The following THEMIS variants were observed in gnomAD, a reference collection of about 807,000 sequenced individuals.
THEMIS encodes thymocyte selection associated, also known as protein THEMIS.
THEMIS carries 37 observed loss-of-function variants against 52.6 expected under a neutral mutation model. The ratio of observed to expected loss-of-function variants is 0.70; its 90% CI spans 0.54 to 0.93. The LOEUF (loss-of-function observed/expected upper bound fraction) is 0.93, where lower values mean the gene tolerates loss of function less well. Ranked by LOEUF, THEMIS falls within the 40% of genes least tolerant of loss-of-function variation. The probability of loss-of-function intolerance (pLI) is 0.00; values close to 1 mark genes in which losing one functional copy is unlikely to be tolerated. For synonymous variants in THEMIS, 292 were observed against 272.7 expected, an observed-to-expected ratio of 1.07 and a Z score of -0.70; for missense variants, 808 against 763.1, an observed-to-expected ratio of 1.06 and a Z score of -0.69.
At chr6:127,739,422 C>T (rs1822997) in intron 4 of THEMIS, among the ~76,000 whole-genome samples, 26,836 of 152,014 alleles carry the variant, frequency 0.18, 3,064 homozygotes, top group East Asian at 0.45. Context: ...CCAAGGCAGG[C>T]GGATAACGAG....
At chr6:127,905,991 G>T (rs185980485), upstream of THEMIS, among the ~76,000 whole-genome samples, 210 of 145,436 alleles carry the variant, frequency 1.4e-3, 1 homozygote, top group Admixed American at 3.0e-3. Flanking sequence ...GTAATTAAAT[G>T]AAATAATTTA....
intron 2 of THEMIS, among the ~76,000 whole-genome samples, chr6:127,836,150 A>G (rs1302437650): frequency 6.6e-6 from 1 of 152,254 alleles, no homozygotes; most frequent in Middle Eastern, 3.4e-3. Context: ...CCCTCCCTCT[A>G]TTTTAATGAT....
intron 4 of THEMIS, among the ~76,000 whole-genome samples, chr6:127,728,623 A>G (rs1314943066): frequency 6.6e-6 from 1 of 152,218 alleles, no homozygotes; most frequent in Admixed American, 6.5e-5. Context: ...AATGAGCAAC[A>G]ACTATGCAAA....
intron 1 of THEMIS, among the ~76,000 whole-genome samples, chr6:127,888,708 C>G (rs1780717064): frequency 6.6e-6 from 1 of 151,788 alleles, no homozygotes; most frequent in Non-Finnish European, 1.5e-5. Context: ...TGTTTTTTGC[C>G]AAATTTTTAA....
intron 2 of THEMIS, among the ~76,000 whole-genome samples, chr6:127,835,487 A>T (rs919369300): frequency 6.6e-5 from 10 of 152,188 alleles, no homozygotes; most frequent in Admixed American, 2.0e-4. Flanking sequence ...TGATTAAATA[A>T]GCTAATACAG....
chr6:127,866,034 T>C (rs950704432), intron 1 of THEMIS, among the ~76,000 whole-genome samples: 3 of 152,090 alleles, frequency 2.0e-5, no homozygotes, highest in Non-Finnish European at 2.9e-5. Flanking sequence ...GCATTGATAA[T>C]ATGAGGAAAA....
chr6:127,899,239 T>A (rs1006407716), intron 1 of THEMIS, among the ~76,000 whole-genome samples: 3 of 151,824 alleles, frequency 2.0e-5, no homozygotes, highest in Non-Finnish European at 4.4e-5. Flanking sequence ...TAAATATGTA[T>A]ATATATTATG....
chr6:127,906,736 G>T (rs1467604758), intron 1 of THEMIS, among the ~76,000 whole-genome samples: 3 of 151,818 alleles, frequency 2.0e-5, no homozygotes, highest in Non-Finnish European at 4.4e-5. Flanking sequence ...TAAAATTTCT[G>T]CTAAAGAACA....
At chr6:127,808,706 C>T (rs1436371995) in intron 4 of THEMIS, among the ~76,000 whole-genome samples, 1 of 152,162 alleles carries the variant, frequency 6.6e-6, no homozygotes, top group East Asian at 1.9e-4. Flanking sequence ...AACCATACCC[C>T]CACTCGTGTC....
chr6:127,810,180 C>T (rs1777853772), intron 4 of THEMIS, among the ~76,000 whole-genome samples: 1 of 151,966 alleles, frequency 6.6e-6, no homozygotes, highest in Admixed American at 6.6e-5. Flanking sequence ...TGGCAAAGGA[C>T]AATTTTTAAA....
chr6:127,916,425 C>T (rs1781528798), intron 1 of THEMIS, among the ~76,000 whole-genome samples: 1 of 152,166 alleles, frequency 6.6e-6, no homozygotes, highest in African/African-American at 2.4e-5. Flanking sequence ...AACTGGAATT[C>T]TGCCTGGGAT....
At chr6:127,815,899 C>T (rs1198132817) in intron 3 of THEMIS, among the ~76,000 whole-genome samples, 1 of 152,108 alleles carries the variant, frequency 6.6e-6, no homozygotes, top group Non-Finnish European at 1.5e-5. Context: ...AAGCTAGATC[C>T]CAATCTGTCT....
intron 1 of THEMIS, among the ~76,000 whole-genome samples, chr6:127,911,927 A>C (rs1781421571): frequency 6.6e-6 from 1 of 151,612 alleles, no homozygotes; most frequent in African/African-American, 2.4e-5. Flanking sequence ...AGCTTGCAAC[A>C]CACACCTAGA....
intron 3 of THEMIS, among the ~76,000 whole-genome samples, chr6:127,818,656 A>C (rs191357842): frequency 5.3e-5 from 8 of 152,206 alleles, no homozygotes. Flanking sequence ...CAAGCATCAA[A>C]GCCAGATTCA....
intron 4 of THEMIS, among the ~76,000 whole-genome samples, chr6:127,771,209 G>A (rs998380410): frequency 1.3e-5 from 2 of 152,046 alleles, no homozygotes; most frequent in Non-Finnish European, 2.9e-5. Flanking sequence ...AAACTTACAA[G>A]GGATGTGAAG....
chr6:127,888,485 C>A (rs969906124), intron 1 of THEMIS, among the ~76,000 whole-genome samples: 3 of 152,006 alleles, frequency 2.0e-5, no homozygotes, highest in Non-Finnish European at 2.9e-5. Context: ...ATTTGGGCAT[C>A]AATTTTCTTT....
chr6:127,760,348 T>C (rs1334772035), intron 4 of THEMIS, among the ~76,000 whole-genome samples: 2 of 152,298 alleles, frequency 1.3e-5, no homozygotes, highest in South Asian at 2.1e-4. Context: ...TTCTCAATAG[T>C]GATTTGACTA....
intron 5 of THEMIS, among the ~76,000 whole-genome samples, chr6:127,718,448 C>A (rs1447003041): frequency 6.6e-6 from 1 of 151,876 alleles, no homozygotes; most frequent in Admixed American, 6.6e-5. Flanking sequence ...ACTACTCACT[C>A]AAGGCACAAA....
At chr6:127,848,892 G>T (rs1353870150) in intron 2 of THEMIS, among the ~76,000 whole-genome samples, 1 of 152,042 alleles carries the variant, frequency 6.6e-6, no homozygotes, top group Non-Finnish European at 1.5e-5. Context: ...TCACTCTGAT[G>T]GTAGTTTCTT....
Sources: gnomAD v4.1 joint callset for allele counts (sites outside exome capture counted in the v4.1 genomes callset) on GRCh38, gnomAD v4.1.1 for gene constraint, MANE v1.5 for transcripts, NCBI Gene and HGNC (gene_info 2026-07-23, HGNC 2026-07-21) for gene names.